Variants in CTNNA2 observed in about 807,000 individuals in gnomAD.
CTNNA2 encodes the protein catenin alpha-2.
CTNNA2 carries 42 observed loss-of-function variants against 101.0 expected under a neutral mutation model. That is an observed-to-expected ratio of 0.42 (90% CI 0.32 to 0.54). The LOEUF is 0.54. Among genes scored for constraint, CTNNA2 ranks in the 20% least tolerant of loss-of-function variants. The pLI, the probability that CTNNA2 is intolerant of heterozygous loss-of-function variation, is 0.14. For missense variants in CTNNA2, 871 were observed against 1,223.1 expected (o/e 0.71, Z 4.29); for synonymous variants, 450 against 456.4 (o/e 0.99, Z 0.18).
At chr2:80,636,377 T>C (rs1672885988) in intron 18 of CTNNA2, among the ~76,000 whole-genome samples, 1 of 152,098 alleles carries the variant, frequency 6.6e-6, no homozygotes, top group South Asian at 2.1e-4. Flanking sequence ...CAGTTAAAGA[T>C]TTAGGAAACA....
intron 1 of CTNNA2, among the ~76,000 whole-genome samples, chr2:79,531,388 C>T (rs1434140390): frequency 6.6e-6 from 1 of 151,802 alleles, no homozygotes. Context: ...AACATAGAGA[C>T]TTTGTTCTCA....
chr2:80,097,402 TGG>T (rs1344871642), intron 7 of CTNNA2, among the ~76,000 whole-genome samples: 3 of 152,194 alleles, frequency 2.0e-5, no homozygotes, highest in Non-Finnish European at 4.4e-5. Context: ...CTTCCCTTTG[TGG>T]GTAACCCGAC....
At chr2:79,282,035 G>C (rs994231409) in intron 2 of CTNNA2, among the ~76,000 whole-genome samples, 1 of 151,974 alleles carries the variant, frequency 6.6e-6, no homozygotes, top group South Asian at 2.1e-4. Context: ...ATCTTTTATA[G>C]TGCTTTGTAG....
intron 1 of CTNNA2, among the ~76,000 whole-genome samples, chr2:79,596,347 C>G (rs1192818381): frequency 6.6e-6 from 1 of 151,754 alleles, no homozygotes; most frequent in Non-Finnish European, 1.5e-5. Context: ...AGGAGGGCAT[C>G]AAAGGAAGAA....
chr2:80,245,224 T>G (rs932570476), intron 7 of CTNNA2, among the ~76,000 whole-genome samples: 1 of 152,228 alleles, frequency 6.6e-6, no homozygotes, highest in Non-Finnish European at 1.5e-5. Flanking sequence ...AGCTTTGTTC[T>G]TTGCAAATTC....
intron 3 of CTNNA2, among the ~76,000 whole-genome samples, chr2:79,771,052 T>C (rs1000664365): frequency 2.0e-4 from 31 of 152,232 alleles, no homozygotes; most frequent in African/African-American, 7.5e-4. Context: ...TTTTTGTTGT[T>C]GACAGACAAG....
intron 1 of CTNNA2, among the ~76,000 whole-genome samples, chr2:79,641,791 G>T (rs138903925): frequency 1.3e-5 from 2 of 152,322 alleles, no homozygotes; most frequent in African/African-American, 4.8e-5. Context: ...GAATTTGACA[G>T]ATACTAAATT....
intron 7 of CTNNA2, among the ~76,000 whole-genome samples, chr2:80,293,488 A>G (rs1390957553): frequency 6.6e-6 from 1 of 152,212 alleles, no homozygotes; most frequent in Non-Finnish European, 1.5e-5. Flanking sequence ...TCCTGGCTTT[A>G]CTTTAAGCCC....
intron 1 of CTNNA2, among the ~76,000 whole-genome samples, chr2:79,551,948 A>G (rs1407878893): frequency 6.6e-6 from 1 of 152,168 alleles, no homozygotes; most frequent in East Asian, 1.9e-4. Flanking sequence ...AAATTTGGGC[A>G]GGGACACAAA....
intron 4 of CTNNA2, among the ~76,000 whole-genome samples, chr2:79,479,429 G>T (rs1671084725): frequency 6.6e-6 from 1 of 152,086 alleles, no homozygotes; most frequent in African/African-American, 2.4e-5. Flanking sequence ...TTTTGGTCTG[G>T]CACCTGTTTT....
chr2:79,959,475 C>G (rs72920841), intron 7 of CTNNA2, among the ~76,000 whole-genome samples: 5 of 152,200 alleles, frequency 3.3e-5, no homozygotes, highest in Admixed American at 3.3e-4. Flanking sequence ...ACTTTTACAT[C>G]TCCTTTTTCA....
rs139810683 is a variant in CTNNA2 at position 80,184,872 on chromosome 2, A to G, written c.1057-208339A>G. On this transcript the variant is annotated intron_variant, in intron 7 of 18. Coordinates refer to ENST00000402739, the MANE Select transcript of CTNNA2 (RefSeq NM_001282597.3). ...TTTCCAATGATTGGCTTTATCTCAC[A>G]TATTTAAAAGATGTGCAAGAAACAT... 8.5e-4 allele frequency among the ~76,000 whole-genome samples: 130 copies of G among 152,316 alleles called. 1 individual carries two copies. In the Middle Eastern group the frequency reaches 0.014, roughly 16 times the overall value.
intron 6 of CTNNA2, among the ~76,000 whole-genome samples, chr2:79,884,341 G>C (rs148288099): frequency 0.022 from 3,413 of 152,120 alleles, 61 homozygotes; most frequent in Middle Eastern, 0.034. Flanking sequence ...TTACCATATT[G>C]CCATATTTTC....
intron 7 of CTNNA2, among the ~76,000 whole-genome samples, chr2:80,046,422 T>C (rs1224807246): frequency 6.6e-6 from 1 of 152,134 alleles, no homozygotes. Flanking sequence ...ACCTACTATC[T>C]AGTATAATTG....
intron 8 of CTNNA2, among the ~76,000 whole-genome samples, chr2:80,396,242 G>T (rs540170796): frequency 6.6e-6 from 1 of 152,150 alleles, no homozygotes; most frequent in Non-Finnish European, 1.5e-5. Context: ...GGGACCCAAA[G>T]GTACCATTTA....
chr2:79,212,112 C>T (rs1042574806), intron 2 of CTNNA2, among the ~76,000 whole-genome samples: 17 of 152,176 alleles, frequency 1.1e-4, no homozygotes, highest in East Asian at 5.8e-4. Context: ...TTCAGCATAG[C>T]CCTGCCAGCA....
chr2:79,883,552 A>G (rs1271288782), intron 6 of CTNNA2, among the ~76,000 whole-genome samples: 1 of 152,234 alleles, frequency 6.6e-6, no homozygotes, highest in Non-Finnish European at 1.5e-5. Flanking sequence ...TTAATCTAGT[A>G]AAACTATCTA....
intron 3 of CTNNA2, among the ~76,000 whole-genome samples, chr2:79,795,424 A>C (rs913459964): frequency 6.6e-6 from 1 of 152,220 alleles, no homozygotes; most frequent in East Asian, 1.9e-4. Flanking sequence ...ATTTTTATGT[A>C]TGTGTTTAAA....
intron 7 of CTNNA2, among the ~76,000 whole-genome samples, chr2:80,329,043 G>A (rs1282226410): frequency 3.9e-5 from 6 of 152,172 alleles, no homozygotes. Context: ...TTATATGTAA[G>A]TTTGTACAGT....
Sources: gnomAD v4.1 joint callset for allele counts (sites outside exome capture counted in the v4.1 genomes callset) on GRCh38, gnomAD v4.1.1 for gene constraint, MANE v1.5 for transcripts, NCBI Gene and HGNC (gene_info 2026-07-23, HGNC 2026-07-21) for gene names.